Variants in NTM observed in about 807,000 individuals in gnomAD.
NTM encodes the protein neurotrimin.
A neutral mutation model predicts 42.1 loss-of-function variants in NTM; 13 were observed. The observed-to-expected ratio is 0.31, with a 90% CI of 0.20 to 0.49. The LOEUF (loss-of-function observed/expected upper bound fraction) is 0.49. Ranked by LOEUF, NTM falls within the 20% of genes least tolerant of loss-of-function variation. NTM has a pLI of 0.99. For missense variants in NTM, 373 were observed against 452.8 expected (o/e 0.82, Z 1.60); for synonymous variants, 187 against 179.2 (o/e 1.04, Z -0.35).
At chr11:131,476,630 C>G (rs1446218983) in intron 1 of NTM, among the ~76,000 whole-genome samples, 1 of 151,926 alleles carries the variant, frequency 6.6e-6, no homozygotes. Context: ...GACAGCTGCC[C>G]CTATAAAGGA....
intron 1 of NTM, among the ~76,000 whole-genome samples, chr11:131,650,390 A>T (rs2066329417): frequency 6.6e-6 from 1 of 152,158 alleles, no homozygotes; most frequent in Non-Finnish European, 1.5e-5. Flanking sequence ...TCATTGGATG[A>T]TGTTGGTCTG....
chr11:132,131,922 A>C (rs1477597967), intron 2 of NTM, among the ~76,000 whole-genome samples: 2 of 152,114 alleles, frequency 1.3e-5, no homozygotes, highest in Admixed American at 6.6e-5. Flanking sequence ...AAAATTAGAG[A>C]GAATGCATGC....
chr11:132,253,553 A>G (rs2092193556), intron 4 of NTM, among the ~76,000 whole-genome samples: 1 of 152,230 alleles, frequency 6.6e-6, no homozygotes. Flanking sequence ...GCTCTAGGAA[A>G]ACAAAAATCT....
chr11:132,328,484 T>TGG (rs1565494389), intron 7 of NTM, among the ~76,000 whole-genome samples: 1 of 150,996 alleles, frequency 6.6e-6, no homozygotes, highest in African/African-American at 2.5e-5. Context: ...TGAGGTTTTT[T>TGG]TGGGGGGGTC....
chr11:131,560,202 G>C (rs2056042524), intron 1 of NTM, among the ~76,000 whole-genome samples: 1 of 152,186 alleles, frequency 6.6e-6, no homozygotes, highest in South Asian at 2.1e-4. Context: ...TCCCTATTCA[G>C]TCACACTTTT....
intron 1 of NTM, among the ~76,000 whole-genome samples, chr11:131,678,320 G>A (rs1329117815): frequency 6.6e-6 from 1 of 152,254 alleles, no homozygotes. Context: ...CATCACAGGG[G>A]TAGGTGGCTC....
chr11:131,733,333 T>G (rs528917781), intron 1 of NTM, among the ~76,000 whole-genome samples: 1 of 152,332 alleles, frequency 6.6e-6, no homozygotes, highest in East Asian at 1.9e-4. Context: ...CAGTCCTCTC[T>G]TTCATCATTT....
chr11:131,789,645 G>GAAGAAGAGGAAGAA (rs2090514532), intron 1 of NTM, among the ~76,000 whole-genome samples: 1 of 128,244 alleles, frequency 7.8e-6, no homozygotes, highest in Admixed American at 1.0e-4. Context: ...AAAAGAAGAA[G>GAAGAAGAGGAAGAA]AAGAAGAAGA....
At chr11:132,251,661 G>A (rs542571391) in intron 4 of NTM, among the ~76,000 whole-genome samples, 5 of 152,320 alleles carry the variant, frequency 3.3e-5, no homozygotes, top group South Asian at 2.1e-4. Flanking sequence ...CCTTGGATGC[G>A]AAATGGCGGG....
intron 3 of NTM, among the ~76,000 whole-genome samples, chr11:132,159,170 C>A (rs575240077): frequency 5.1e-4 from 78 of 152,252 alleles, no homozygotes; most frequent in Non-Finnish European, 9.7e-4. Flanking sequence ...GTGTTCCTGA[C>A]CAGGAGACCC....
chr11:131,968,998 T>A (rs12790836), intron 2 of NTM, among the ~76,000 whole-genome samples: 16,057 of 152,240 alleles, frequency 0.11, 860 homozygotes, highest in East Asian at 0.2. Context: ...AAGCACAGTT[T>A]ATTACAGAGC....
intron 2 of NTM, among the ~76,000 whole-genome samples, chr11:131,971,403 A>G (rs947955830): frequency 1.3e-5 from 2 of 151,974 alleles, no homozygotes; most frequent in Non-Finnish European, 2.9e-5. Context: ...TGATTGAACC[A>G]CCTATCTTTT....
intron 1 of NTM, among the ~76,000 whole-genome samples, chr11:131,461,972 A>C (rs373144496): frequency 2.6e-5 from 4 of 152,244 alleles, no homozygotes; most frequent in African/African-American, 9.6e-5. Context: ...AACTGCATGC[A>C]AATTTTTGCA....
intron 4 of NTM, among the ~76,000 whole-genome samples, chr11:132,231,354 T>C (rs562487813): frequency 6.6e-6 from 1 of 152,320 alleles, no homozygotes; most frequent in South Asian, 2.1e-4. Context: ...CATAATGTCT[T>C]CTAAGTTTCC....
At chr11:131,730,970 T>C (rs115688814) in intron 1 of NTM, among the ~76,000 whole-genome samples, 3,316 of 152,312 alleles carry the variant, frequency 0.022, 127 homozygotes, top group African/African-American at 0.075. Context: ...GTTAGAGGGC[T>C]GTTGCCCAAT....
intron 2 of NTM, among the ~76,000 whole-genome samples, chr11:132,010,935 G>A (rs1340030673): frequency 6.6e-6 from 1 of 151,698 alleles, no homozygotes; most frequent in African/African-American, 2.4e-5. Flanking sequence ...TTACTTATCT[G>A]TGTATAACCA....
At chr11:131,503,687 T>C (rs2047121636) in intron 1 of NTM, among the ~76,000 whole-genome samples, 1 of 135,770 alleles carries the variant, frequency 7.4e-6, no homozygotes, top group South Asian at 2.3e-4. Context: ...TATGCCTGGC[T>C]AATTGTTTCT....
chr11:131,823,508 G>T (rs565492601), intron 1 of NTM, among the ~76,000 whole-genome samples: 5 of 152,108 alleles, frequency 3.3e-5, no homozygotes, highest in African/African-American at 1.2e-4. Context: ...CCTGTGGCCA[G>T]CATTCTAATT....
At chr11:132,191,962 A>C (rs1386726323) in intron 3 of NTM, among the ~76,000 whole-genome samples, 2 of 152,204 alleles carry the variant, frequency 1.3e-5, no homozygotes, top group African/African-American at 4.8e-5. Flanking sequence ...GCAGGCAAAA[A>C]AATTTTTTTA....
Sources: allele counts gnomAD v4.1 joint callset (sites outside exome capture counted in the v4.1 genomes callset), GRCh38; gene constraint gnomAD v4.1.1; transcripts MANE v1.5; gene names NCBI Gene and HGNC (gene_info 2026-07-23, HGNC 2026-07-21).